The following CNTNAP2 variants were observed in gnomAD, a reference collection of about 807,000 sequenced individuals.
CNTNAP2 encodes contactin-associated protein-like 2.
In CNTNAP2, 98 loss-of-function variants were observed where a neutral mutation model predicts 155.2. The ratio of observed to expected loss-of-function variants is 0.63; its 90% CI spans 0.54 to 0.75. The LOEUF is 0.75. CNTNAP2 is among the 30% of genes least tolerant of loss of function. The pLI is 0.00. For missense variants in CNTNAP2, 1,727 were observed against 1,688.1 expected, an observed-to-expected ratio of 1.02 and a Z score of -0.40; for synonymous variants, 651 against 631.2, an observed-to-expected ratio of 1.03 and a Z score of -0.47.
intron 15 of CNTNAP2, among the ~76,000 whole-genome samples, chr7:147,980,823 C>G (rs919805990): frequency 3.4e-5 from 5 of 146,992 alleles, no homozygotes; most frequent in African/African-American, 1.3e-4. Flanking sequence ...CCCAGCTACT[C>G]GGGAGGCTGA....
intron 13 of CNTNAP2, among the ~76,000 whole-genome samples, chr7:147,772,700 GAA>G (rs1797494353): frequency 6.6e-6 from 1 of 151,744 alleles, no homozygotes; most frequent in Admixed American, 6.6e-5. Flanking sequence ...CCTCCCCAGT[GAA>G]CAGAGGCAGC....
At chr7:147,831,677 A>G (rs1213049543) in intron 13 of CNTNAP2, 2 of 152,228 alleles carry the variant, frequency 1.3e-5, no homozygotes, top group South Asian at 2.1e-4. Context: ...AAGCAAAAGT[A>G]AAAAAAGAAG....
chr7:147,919,016 A>G (rs1351264137), intron 14 of CNTNAP2, among the ~76,000 whole-genome samples: 1 of 152,156 alleles, frequency 6.6e-6, no homozygotes, highest in African/African-American at 2.4e-5. Context: ...CTTAAAAGTG[A>G]GAAAAGACCC....
intron 1 of CNTNAP2, among the ~76,000 whole-genome samples, chr7:146,310,295 A>G (rs375130080): frequency 1.2e-4 from 19 of 152,176 alleles, no homozygotes; most frequent in African/African-American, 4.3e-4. Context: ...TACCCACTAC[A>G]CAGAAGCTAT....
chr7:146,517,220 A>G (rs1797554200), intron 1 of CNTNAP2, among the ~76,000 whole-genome samples: 1 of 151,946 alleles, frequency 6.6e-6, no homozygotes, highest in African/African-American at 2.4e-5. Context: ...AACGTAGTAT[A>G]TATAGGGTTC....
intron 1 of CNTNAP2, among the ~76,000 whole-genome samples, chr7:146,542,057 G>A (rs1311470577): frequency 6.6e-6 from 1 of 151,894 alleles, no homozygotes; most frequent in African/African-American, 2.4e-5. Flanking sequence ...ATGAGGTGAA[G>A]TGTGTCTACC....
intron 15 of CNTNAP2, among the ~76,000 whole-genome samples, chr7:148,050,373 T>C (rs1302163277): frequency 6.6e-6 from 1 of 152,068 alleles, no homozygotes; most frequent in Non-Finnish European, 1.5e-5. Flanking sequence ...GTGTCTTAGT[T>C]TTTACAACAA....
chr7:148,085,143 A>G (rs1803698640), intron 15 of CNTNAP2, among the ~76,000 whole-genome samples: 2 of 152,252 alleles, frequency 1.3e-5, no homozygotes, highest in African/African-American at 2.4e-5. Context: ...AGTAAAACCC[A>G]GTTATGACCT....
intron 1 of CNTNAP2, among the ~76,000 whole-genome samples, chr7:146,314,620 G>A (rs768075897): frequency 5.3e-4 from 81 of 152,216 alleles, no homozygotes; most frequent in Middle Eastern, 3.4e-3. Context: ...ATTCAGGAGC[G>A]TGGAGTTCTG....
At chr7:146,690,829 G>A (rs1222064842) in intron 1 of CNTNAP2, among the ~76,000 whole-genome samples, 1 of 152,076 alleles carries the variant, frequency 6.6e-6, no homozygotes, top group Non-Finnish European at 1.5e-5. Flanking sequence ...TGAGTGAAAA[G>A]GAGGAAAGGG....
chr7:146,797,725 T>G (rs1802796629), intron 2 of CNTNAP2, among the ~76,000 whole-genome samples: 1 of 152,190 alleles, frequency 6.6e-6, no homozygotes, highest in Non-Finnish European at 1.5e-5. Flanking sequence ...TCTCACTGAT[T>G]TACAAAAAGG....
chr7:146,190,652 C>G (rs1240780707), intron 1 of CNTNAP2, among the ~76,000 whole-genome samples: 2 of 152,076 alleles, frequency 1.3e-5, no homozygotes, highest in Non-Finnish European at 2.9e-5. Context: ...GAAGCATTCT[C>G]AAAACTTTTA....
intron 3 of CNTNAP2, among the ~76,000 whole-genome samples, chr7:146,873,869 A>C (rs1023672019): frequency 1.3e-5 from 2 of 152,074 alleles, no homozygotes; most frequent in Non-Finnish European, 1.5e-5. Flanking sequence ...GAGGTGGAGG[A>C]TCTTCTTTTG....
intron 19 of CNTNAP2, among the ~76,000 whole-genome samples, chr7:148,227,766 G>A (rs921299469): frequency 6.6e-6 from 1 of 152,134 alleles, no homozygotes; most frequent in Non-Finnish European, 1.5e-5. Flanking sequence ...GTTGAATTTC[G>A]TTTAGAAAAC....
At chr7:146,989,541 C>A (rs10237703) in intron 3 of CNTNAP2, among the ~76,000 whole-genome samples, 7 of 151,680 alleles carry the variant, frequency 4.6e-5, no homozygotes, top group East Asian at 1.9e-4. Context: ...AACAAACAAA[C>A]AAACCCACAA....
intron 19 of CNTNAP2, among the ~76,000 whole-genome samples, chr7:148,227,054 G>C (rs913985681): frequency 6.6e-5 from 10 of 152,162 alleles, no homozygotes; most frequent in African/African-American, 2.4e-4. Context: ...ATGGAAACAG[G>C]CCTGAATACA....
chr7:147,162,374 CTG>C (rs770754317), intron 8 of CNTNAP2, among the ~76,000 whole-genome samples: 15 of 152,108 alleles, frequency 9.9e-5, no homozygotes, highest in South Asian at 2.1e-4. Context: ...TAAAAAAAGA[CTG>C]TTTTCATAAG....
At position 147,115,511 on chromosome 7, in the gene CNTNAP2, A is replaced by T. The variant is rs186365173; in HGVS notation, c.755-5468A>T. Among the ~76,000 whole-genome samples, 923 of 152,120 alleles carry T rather than the reference A, an allele frequency of 6.1e-3. 12 individuals carry two copies. Among genetic ancestry groups the T allele is most frequent in the Non-Finnish European group, 6.4e-3 (436 of 67,970 alleles). On this transcript the variant is annotated intron_variant, in intron 5 of 23. Transcript: ENST00000361727. ...TTCCATATTTCTCAGAGGTTTTGTT[A>T]ATTCCTTTTCATTCTTTTTTCTCTA... is the stretch of plus-strand genomic sequence containing the variant.
intron 8 of CNTNAP2, among the ~76,000 whole-genome samples, chr7:147,240,992 C>G (rs562868246): frequency 3.3e-4 from 50 of 152,254 alleles, no homozygotes; most frequent in African/African-American, 1.2e-3. Flanking sequence ...CTAAATGGTT[C>G]CATGTTTATT....
Sources: allele counts gnomAD v4.1 joint callset (sites outside exome capture counted in the v4.1 genomes callset), GRCh38; gene constraint gnomAD v4.1.1; transcripts MANE v1.5; gene names NCBI Gene and HGNC (gene_info 2026-07-23, HGNC 2026-07-21).